Variants in KIF7 observed in about 807,000 individuals in gnomAD.
The protein encoded by KIF7 is kinesin-like protein KIF7.
In KIF7, 104 loss-of-function variants were observed where a neutral mutation model predicts 135.7. The observed-to-expected ratio is 0.77, with a 90% CI of 0.65 to 0.90. The LOEUF is 0.90. Ranked by LOEUF, KIF7 falls within the 40% of genes least tolerant of loss-of-function variation. KIF7 has a pLI of 0.00. For synonymous variants in KIF7, 883 were observed against 809.4 expected (o/e 1.09, Z -1.54); for missense variants, 2,005 against 1,839.1 (o/e 1.09, Z -1.65).
At chr15:89,618,947 G>A (rs1963379073) in intron 1 of KIF7, among the ~76,000 whole-genome samples, 1 of 152,198 alleles carries the variant, frequency 6.6e-6, no homozygotes, top group South Asian at 2.1e-4. Context: ...GACAGAGCAA[G>A]ACCATGTCTC....
chr15:89,645,396 C>G lies in KIF7; in HGVS notation c.1978G>C (p.Glu660Gln). The change falls in exon 9 of 19, where the codon GAG becomes CAG. Residue 660 changes from glutamate to glutamine, a missense_variant. Glu to Gln is a conservative substitution (Grantham distance 29). Coordinates refer to ENST00000394412, the MANE Select transcript of KIF7 (RefSeq NM_198525.3). ...RAGARPGSLPERKGPELCLEE... is the reference protein window; with the variant it reads ...RAGARPGSLPQRKGPELCLEE... ...AGGCAAAGCTCTGGGCCCTTCCTCT[C>G]TGGCAGACTCCCTGGGCGTGCCCCC... 6.2e-7 allele frequency: 1 copy of G among 1,614,114 alleles called. No homozygotes were observed. The highest frequency in any genetic ancestry group is 1.1e-5 in the South Asian group (1 of 91,084).
intron 12 of KIF7, 90 bp from the exon 13 acceptor site, chr15:89,633,356 G>A: frequency 3.3e-6 from 5 of 1,498,842 alleles, no homozygotes; most frequent in Admixed American, 3.9e-5. Context: ...AGGAGTGCCT[G>A]CCCACTCCCA....
intron 6 of KIF7, 140 bp from the exon 7 acceptor site, chr15:89,647,197 A>T: frequency 1.4e-6 from 1 of 739,658 alleles, no homozygotes; most frequent in African/African-American, 1.7e-5. Flanking sequence ...CTCCTCCCCA[A>T]CAACTCTGTA....
rs1480110307 is a variant in KIF7 at position 89,618,451 on chromosome 15, CTG to C, written c.181-258_181-257del. ...TATGAAATTCAGGATGAGGGCTAAA[CTG>C]TGTTATACAAAGTGCTATGACTTAT... On this transcript the variant is annotated intron_variant and NMD_transcript_variant, in intron 1 of 2. Coordinates refer to the KIF7 transcript ENST00000558928. Among the ~76,000 whole-genome samples the C allele has an allele frequency of 2.6e-5, 4 of 152,178 alleles. No homozygotes were observed. The East Asian group carries it at 5.8e-4, about 22-fold the overall frequency.
chr15:89,624,187 A>G, downstream of KIF7: 2 of 1,614,138 alleles, frequency 1.2e-6, no homozygotes, highest in Non-Finnish European at 1.7e-6. Flanking sequence ...CAAAACTCCA[A>G]AAAGACCAGG....
intron 11 of KIF7, among the ~76,000 whole-genome samples, chr15:89,636,287 C>T (rs1000671791): frequency 4.4e-4 from 66 of 150,238 alleles, no homozygotes; most frequent in Non-Finnish European, 5.3e-4. Context: ...GCAAAATAAC[C>T]AGCTAACATC....
chr15:89,631,184 C>T, intron 15 of KIF7: 1 of 391,484 alleles, frequency 2.6e-6, no homozygotes, highest in South Asian at 3.6e-5. Flanking sequence ...ATGCGCCTGA[C>T]ACTCCACACA....
At chr15:89,625,009 G>A, downstream of KIF7, 1 of 1,614,096 alleles carries the variant, frequency 6.2e-7, no homozygotes, top group African/African-American at 1.3e-5. Context: ...GGAGATGCAA[G>A]CTTCTGGCCT....
chr15:89,646,028 T>C lies in KIF7; in HGVS notation c.1789-2A>G, dbSNP rs989653101. Reference sequence around the variant, plus strand: ...AGCCTCCCTGCCATTTGTCACCTGCTAGGGGAGTGAGCCATTTCCCATCCC... The same window carrying C: ...AGCCTCCCTGCCATTTGTCACCTGCCAGGGGAGTGAGCCATTTCCCATCCC... On this transcript the variant is annotated splice_acceptor_variant, in intron 7 of 18. Transcript: ENST00000394412. LOFTEE classifies it high-confidence loss of function. The C allele has an allele frequency of 5.0e-6, 8 of 1,613,648 alleles. No individual in the cohort carries two copies. In the Admixed American group the frequency reaches 1.0e-4, roughly 20 times the overall value.
intron 11 of KIF7, among the ~76,000 whole-genome samples, chr15:89,638,247 A>G: frequency 9.2e-6 from 1 of 108,410 alleles, no homozygotes; most frequent in Non-Finnish European, 2.1e-5. Flanking sequence ...CAAGACAGGG[A>G]TGCCCTCTCT....
chr15:89,621,436 G>A (rs756678525), intron 1 of KIF7: 4 of 1,613,842 alleles, frequency 2.5e-6, no homozygotes, highest in Non-Finnish European at 3.4e-6. Flanking sequence ...GGTCTCCCAA[G>A]AGTCTTCTTT....
At chr15:89,636,056 G>A (rs959142448) in intron 11 of KIF7, among the ~76,000 whole-genome samples, 8 of 152,078 alleles carry the variant, frequency 5.3e-5, no homozygotes, top group Non-Finnish European at 1.0e-4. Flanking sequence ...TTTCAACCCA[G>A]AATTTCATAT....
intron 12 of KIF7, 118 bp downstream of exon 12, chr15:89,633,568 C>A (rs1963732643): frequency 8.8e-7 from 1 of 1,134,372 alleles, no homozygotes; most frequent in Non-Finnish European, 1.3e-6. Flanking sequence ...GGCTAAGTGA[C>A]CTGCTTTCTA....
chr15:89,618,313 A>G, intron 1 of KIF7: 1 of 1,059,780 alleles, frequency 9.4e-7, no homozygotes. Flanking sequence ...TTTTACAGAA[A>G]TTGTGATGGC....
intron 11 of KIF7, among the ~76,000 whole-genome samples, chr15:89,638,474 A>G (rs915885949): frequency 4.0e-5 from 6 of 151,176 alleles, no homozygotes; most frequent in Non-Finnish European, 8.9e-5. Context: ...ATCAATGTAC[A>G]AAAATCACAA....
At chr15:89,630,552 G>C in intron 15 of KIF7, 59 bp from the exon 16 acceptor site, 1 of 1,407,524 alleles carries the variant, frequency 7.1e-7, no homozygotes, top group Non-Finnish European at 9.7e-7. Context: ...TGAAGTCCTG[G>C]GCAGACATGC....
chr15:89,624,316 G>A, downstream of KIF7: 2 of 1,614,162 alleles, frequency 1.2e-6, no homozygotes, highest in Admixed American at 1.7e-5. Flanking sequence ...TCCTTCCCCA[G>A]GAGAACTGGA....
intron 1 of KIF7, chr15:89,621,346 C>A: frequency 1.3e-6 from 2 of 1,567,030 alleles, no homozygotes; most frequent in South Asian, 1.2e-5. Context: ...ATTGGAAGAA[C>A]AGGAATTGAG....
rs35451920 is a variant in KIF7 at position 89,642,326 on chromosome 15, G to A, written c.2271C>T (p.Ala757=). ...GCTGCCTCTGGCCTTCACTCAGCTC[G>A]GCCCGCACCTGCTCTGCCTCCTGCT... ...ELEQEAEQVR[A]ELSEGQRQLR... is the part of the protein sequence containing the mutation. Residue 757 remains alanine, a synonymous_variant, in exon 11 of 19, where the codon GCC becomes GCT. Transcript: ENST00000394412. 1.6e-3 allele frequency: 2,533 copies of A among 1,610,644 alleles called. 35 individuals carry two copies. In the African/African-American group the frequency reaches 0.028, roughly 18 times the overall value.
Sources: gnomAD v4.1 joint callset for allele counts (sites outside exome capture counted in the v4.1 genomes callset) on GRCh38, gnomAD v4.1.1 for gene constraint, MANE v1.5 for transcripts, NCBI Gene and HGNC (gene_info 2026-07-23, HGNC 2026-07-21) for gene names.